Variants in MYO1C observed in about 807,000 individuals in gnomAD.
MYO1C encodes the protein myosin IC, also known as unconventional myosin-Ic.
MYO1C carries 104 observed loss-of-function variants against 150.8 expected under a neutral mutation model. The observed-to-expected ratio is 0.69, with a 90% CI of 0.59 to 0.81. MYO1C has a LOEUF of 0.81. MYO1C is among the 30% of genes least tolerant of loss of function. MYO1C has a pLI of 0.00. For synonymous variants in MYO1C, 663 were observed against 579.9 expected (o/e 1.14, Z -2.06); for missense variants, 1,504 against 1,435.0 (o/e 1.05, Z -0.78).
chr17:1,468,649 G>A (rs970979071), intron 25 of MYO1C, 153 bp from the exon 26 acceptor site: 8 of 660,556 alleles, frequency 1.2e-5, no homozygotes, highest in Non-Finnish European at 5.4e-6. Flanking sequence ...CCCCCCACAC[G>A]CCCATCAACC....
intron 14 of MYO1C, 33 bp from the exon 15 acceptor site, chr17:1,475,065 T>C: frequency 6.5e-7 from 1 of 1,547,916 alleles, no homozygotes; most frequent in Non-Finnish European, 8.7e-7. Context: ...TGCAGATGGC[T>C]GCCGGCCTGA....
intron 17 of MYO1C, among the ~76,000 whole-genome samples, chr17:1,473,863 C>T (rs528877619): frequency 4.3e-4 from 66 of 152,310 alleles, no homozygotes; most frequent in Non-Finnish European, 7.6e-4. Context: ...CCTTCCGCCC[C>T]GTCAGGCCGT....
At chr17:1,466,626 C>T (rs1190630588) in intron 31 of MYO1C, among the ~76,000 whole-genome samples, 1 of 118,732 alleles carries the variant, frequency 8.4e-6, no homozygotes, top group Non-Finnish European at 1.8e-5. Context: ...CTGTGCCTGG[C>T]CTTTTTTTTT....
In MYO1C at chr17:1,485,163, A is replaced by C. The variant is rs1598347335; in HGVS notation, c.76-860T>G. The C allele has an allele frequency of 6.7e-5, 80 of 1,195,356 alleles. No homozygotes were observed. The South Asian group carries it at 1.1e-3, about 17-fold the overall frequency. The allele number at this position is 1,195,356 out of a possible 1,614,324, so 74.0% of individuals were successfully genotyped here. A position where few individuals can be genotyped will look rare whatever the true frequency, so the allele number is the denominator to read the frequency against. On this transcript the variant is annotated intron_variant, in intron 1 of 31. Coordinates refer to ENST00000648651, the MANE Select transcript of MYO1C (RefSeq NM_001080779.2). ...GCCTCTGGGTCCTACTGGAGGGTGG[A>C]GGGTGGTGCAGGCTGAGCAAGACCC...
chr17:1,467,807 C>A (rs554627947), intron 29 of MYO1C, 33 bp downstream of exon 29: 5 of 1,249,148 alleles, frequency 4.0e-6, no homozygotes, highest in South Asian at 1.3e-5. Context: ...CTCCCCCATC[C>A]CCCACCACTC....
At chr17:1,484,882 A>AACCCCCCCCCCCCCC in intron 1 of MYO1C, 1 of 267,224 alleles carries the variant, frequency 3.7e-6, no homozygotes, top group South Asian at 3.0e-5. Flanking sequence ...TCCCACCCAG[A>AACCCCCCCCCCCCCC]CCCACCCCCA....
Position 1,475,052 on chromosome 17 carries a change from A to C in MYO1C, c.1575-20T>G, listed in dbSNP as rs765475394. ...TTGTGCCTGGGGGTGACAGGGAGGA[A>C]GCTGCAGATGGCTGCCGGCCTGAGC... On this transcript the variant is annotated intron_variant, in intron 14 of 31. Transcript: ENST00000648651. 1 of 1,550,180 alleles carries C rather than the reference A, an allele frequency of 6.5e-7. No individual in the cohort carries two copies. Among genetic ancestry groups the C allele is most frequent in the South Asian group, 1.2e-5 (1 of 84,036 alleles).
At chr17:1,469,299 G>T in intron 25 of MYO1C, 1 of 570,586 alleles carries the variant, frequency 1.8e-6, no homozygotes, top group South Asian at 1.9e-5. Context: ...GGTAAATACG[G>T]TAGGTGGGGT....
At chr17:1,477,737 C>T in intron 13 of MYO1C, 141 bp from the exon 14 acceptor site, 16 of 988,294 alleles carry the variant, frequency 1.6e-5, no homozygotes, top group East Asian at 4.8e-5. Flanking sequence ...CCAACTGGGG[C>T]GGCACCTCCC....
rs2074229378 is a variant in MYO1C at position 1,468,498 on chromosome 17, T to C, written c.2611-2A>G. The C allele has an allele frequency of 6.2e-7, 1 of 1,609,448 alleles. No individual in the cohort carries two copies. Among genetic ancestry groups the C allele is most frequent in the Non-Finnish European group, 8.5e-7 (1 of 1,177,166 alleles). ...ACTAGCCACGGCCTTCTGCTGCAGC[T>C]GAGGAGACAAGGGGGGTGAGGAGAG... is the stretch of plus-strand genomic sequence containing the variant. On this transcript the variant is annotated splice_acceptor_variant, in intron 25 of 31. Coordinates refer to ENST00000648651, the MANE Select transcript of MYO1C (RefSeq NM_001080779.2). LOFTEE classifies it high-confidence loss of function.
Position 1,479,423 on chromosome 17 carries a change from G to T in MYO1C, c.1092+8C>A. On this transcript the variant is annotated splice_region_variant and intron_variant, in intron 9 of 31. Transcript: ENST00000648651. The surrounding 1 kb of genome is among the most constrained non-coding windows in gnomAD (Gnocchi z 4.2). ...CCTCCACACCCGAGGGCAAGGGCCC[G>T]GCCTCACCTCCTCCCCCTTGGCGAT... is the stretch of plus-strand genomic sequence containing the variant. 3 of 1,331,736 alleles carry T rather than the reference G, an allele frequency of 2.3e-6. No homozygotes were observed. Among genetic ancestry groups the T allele is most frequent in the East Asian group, 2.5e-5 (1 of 40,160 alleles). The allele number at this position is 1,331,736 out of a possible 1,614,324, so 82.5% of individuals were successfully genotyped here. A position where few individuals can be genotyped will look rare whatever the true frequency, so the allele number is the denominator to read the frequency against.
rs1567516955 is a variant in MYO1C at position 1,470,438 on chromosome 17, CG to C, written c.2362del (p.Arg788GlyfsTer31). The C allele has an allele frequency of 1.9e-6, 3 of 1,550,482 alleles. No homozygotes were observed. Among genetic ancestry groups the C allele is most frequent in the Admixed American group, 2.0e-5 (1 of 51,022 alleles). ...CACAAGGCACCCTGGCGCTCACCGC[CG>C]GATGGTCTGTGCCGCCCACTTCCTC... is the stretch of plus-strand genomic sequence containing the variant. The part of the protein sequence containing the change: ...AKRKWAAQTI[R>X]RLIRGFVLRH... On this transcript the variant is annotated frameshift_variant, in exon 23 of 32. Coordinates refer to ENST00000648651, the MANE Select transcript of MYO1C (RefSeq NM_001080779.2). LOFTEE classifies it high-confidence loss of function.
rs574729943 is a variant in MYO1C at position 1,471,367 on chromosome 17, C to T, written c.2022-31G>A. 76 of 1,595,474 alleles carry T rather than the reference C, an allele frequency of 4.8e-5. 2 individuals carry two copies. In the South Asian group the frequency reaches 7.8e-4, roughly 16 times the overall value. ...GACAGGAATGCACGCGGCTCCCACC[C>T]CAGTCAGCAGCCTGCCCTGGGGACC... On this transcript the variant is annotated intron_variant, in intron 19 of 31. Transcript: ENST00000648651.
intron 17 of MYO1C, among the ~76,000 whole-genome samples, chr17:1,473,470 G>A (rs756982783): frequency 1.3e-4 from 19 of 151,888 alleles, no homozygotes; most frequent in Non-Finnish European, 1.6e-4. Context: ...AGAGGGTGGG[G>A]TGGACGGCAG....
At chr17:1,472,053 G>A (rs377743714) in intron 18 of MYO1C, 29 bp from the exon 19 acceptor site, 13 of 1,610,590 alleles carry the variant, frequency 8.1e-6, no homozygotes, top group Middle Eastern at 1.6e-4. Flanking sequence ...CGTGGTCAGC[G>A]GGCTGGCGCT....
Position 1,470,220 on chromosome 17 carries a change from A to G in MYO1C, c.2481T>C (p.Asn827=), listed in dbSNP as rs2074271087. Residue 827 remains asparagine, a synonymous_variant, in exon 24 of 32, where the codon AAT becomes AAC. Coordinates refer to ENST00000648651, the MANE Select transcript of MYO1C (RefSeq NM_001080779.2). The part of the protein sequence containing the change: ...LLNLRRQLPQ[N]VLDTSWPTPP... Reference sequence around the variant, plus strand: ...GCGTGGGCCACGAGGTGTCCAGGACATTCTGGGGCAGCTGCCGCCTCAGGT... The same window carrying G: ...GCGTGGGCCACGAGGTGTCCAGGACGTTCTGGGGCAGCTGCCGCCTCAGGT... 6.2e-7 allele frequency: 1 copy of G among 1,611,602 alleles called. No homozygotes were observed. The highest frequency in any genetic ancestry group is 1.3e-5 in the African/African-American group (1 of 74,840).
In MYO1C at chr17:1,469,675, CG is replaced by C. The variant is rs2074258377; in HGVS notation, c.2527-62del. The C allele has an allele frequency of 3.8e-6, 5 of 1,331,414 alleles. No homozygotes were observed. In the South Asian group the frequency reaches 6.2e-5, roughly 16 times the overall value. 82.5% of individuals were successfully genotyped at this position (1,331,414 alleles called of 1,614,324 possible). A position where few individuals can be genotyped will look rare whatever the true frequency, so the allele number is the denominator to read the frequency against. ...CCTGGGCCCTTCCCTCTGAAGACAT[CG>C]AACATATGCTACTGCATCCTTTGGA... On this transcript the variant is annotated intron_variant, in intron 24 of 31. Transcript: ENST00000648651.
intron 1 of MYO1C, among the ~76,000 whole-genome samples, chr17:1,487,440 G>A (rs1167013816): frequency 6.6e-6 from 1 of 152,258 alleles, no homozygotes; most frequent in African/African-American, 2.4e-5. Flanking sequence ...GCAGGTGCGG[G>A]CCGGATCCTT....
At chr17:1,487,555 TG>T (rs2074678535) in intron 1 of MYO1C, among the ~76,000 whole-genome samples, 1 of 133,060 alleles carries the variant, frequency 7.5e-6, no homozygotes, top group Non-Finnish European at 1.6e-5. Context: ...GGAGGGGGAA[TG>T]GCGGCGTCTC....
Sources: allele counts gnomAD v4.1 joint callset (sites outside exome capture counted in the v4.1 genomes callset), GRCh38; gene constraint gnomAD v4.1.1; non-coding constraint Gnocchi (gnomAD v3.1); transcripts MANE v1.5; gene names NCBI Gene and HGNC (gene_info 2026-07-23, HGNC 2026-07-21).